Variants in ANKDD1A observed in about 807,000 individuals in gnomAD.
The protein encoded by ANKDD1A is ankyrin repeat and death domain-containing protein 1A.
A neutral mutation model predicts 63.5 loss-of-function variants in ANKDD1A; 59 were observed. The observed-to-expected ratio is 0.93, with a 90% CI of 0.75 to 1.15. The LOEUF is 1.15. ANKDD1A is among the 50% of genes most tolerant of loss of function. ANKDD1A has a pLI of 0.00. For synonymous variants in ANKDD1A, 266 were observed against 263.9 expected (o/e 1.01, Z -0.08); for missense variants, 632 against 656.4 (o/e 0.96, Z 0.41).
In ANKDD1A at chr15:64,917,407, T is replaced by C; in HGVS notation, c.160T>C (p.Trp54Arg). 1 of 1,611,070 alleles carries C rather than the reference T, an allele frequency of 6.2e-7. No homozygotes were observed. The highest frequency in any genetic ancestry group is 8.5e-7 in the Non-Finnish European group (1 of 1,179,268). The change falls in exon 3 of 15, where the codon TGG becomes CGG. Residue 54 changes from tryptophan to arginine, a missense_variant. Physicochemically the swap from Trp to Arg is moderately radical, Grantham distance 101. Coordinates refer to ENST00000319580, the MANE Select transcript of ANKDD1A (RefSeq NM_182703.6). ...RNHVGRVALH[W>R]AAGAGHEQAV... ...GCAGGTGGGCAGGGTGGCCCTGCAC[T>C]GGGCTGCAGGTGCAGGGCACGAGCA...
chr15:64,915,116 C>T (rs1297154035), intron 1 of ANKDD1A, among the ~76,000 whole-genome samples: 7 of 152,178 alleles, frequency 4.6e-5, no homozygotes, highest in Non-Finnish European at 8.8e-5. Context: ...ACCAGCCTGG[C>T]CAACCTGGTG....
At chr15:64,954,237 GTCT>G (rs1566918508) in intron 14 of ANKDD1A, among the ~76,000 whole-genome samples, 7 of 93,466 alleles carry the variant, frequency 7.5e-5, no homozygotes, top group African/African-American at 1.1e-4. Context: ...CCTCTCCTTC[GTCT>G]TCTTAGTTCT....
At chr15:64,954,180 T>TCTTCTC (rs2085376554) in intron 14 of ANKDD1A, among the ~76,000 whole-genome samples, 1 of 61,340 alleles carries the variant, frequency 1.6e-5, no homozygotes, top group Non-Finnish European at 5.0e-5. Context: ...CTTTTCTTCT[T>TCTTCTC]CTTCTCCTTC....
chr15:64,946,772 T>C lies in ANKDD1A; in HGVS notation c.1162-632T>C, dbSNP rs535148923. Among the ~76,000 whole-genome samples the C allele has an allele frequency of 2.0e-4, 31 of 152,298 alleles. 1 individual carries two copies. Among genetic ancestry groups the C allele is most frequent in the African/African-American group, 7.5e-4 (31 of 41,568 alleles). On this transcript the variant is annotated intron_variant, in intron 12 of 14. Transcript: ENST00000319580. The stretch of plus-strand genomic sequence containing the variant: ...ACCTCACAGTGATTGCCAGAGACTG[T>C]TGACCATGACATAAGCTTTGGAACT...
chr15:64,953,152 CCTTT>C (rs202020002), intron 14 of ANKDD1A, among the ~76,000 whole-genome samples: 130,139 of 142,042 alleles, frequency 0.92, 60,317 homozygotes, highest in East Asian at 1. Flanking sequence ...TCCTTTTTCT[CCTTT>C]CTTCTTTCCT....
At chr15:64,935,674 C>CA (rs1298279118) in intron 9 of ANKDD1A, among the ~76,000 whole-genome samples, 111 of 138,862 alleles carry the variant, frequency 8.0e-4, no homozygotes, top group African/African-American at 1.5e-3. Context: ...GACTCCGCCT[C>CA]AAAAAAAAAA....
At chr15:64,952,861 T>TTCTTCC (rs149795458) in intron 14 of ANKDD1A, among the ~76,000 whole-genome samples, 125,815 of 139,028 alleles carry the variant, frequency 0.9, 57,651 homozygotes, top group East Asian at 0.99. Context: ...CTTCTCCTTC[T>TTCTTCC]TCTTTTCTTC....
At chr15:64,943,330 T>C in intron 10 of ANKDD1A, 154 bp from the exon 11 acceptor site, 1 of 674,482 alleles carries the variant, frequency 1.5e-6, no homozygotes, top group Non-Finnish European at 2.6e-6. Flanking sequence ...ACATATAAGA[T>C]GATCTCATGT....
Position 64,931,591 on chromosome 15 carries a change from C to G in ANKDD1A, c.768+6C>G. 6.2e-7 allele frequency: 1 copy of G among 1,613,656 alleles called. No homozygotes were observed. The highest frequency in any genetic ancestry group is 8.5e-7 in the Non-Finnish European group (1 of 1,180,014). Reference sequence around the variant, plus strand: ...CCGTGAATGCCCTCACCCAGGTAGCCAGGCCCTCCCAAGACTGCGGTCGGC... The same window carrying G: ...CCGTGAATGCCCTCACCCAGGTAGCGAGGCCCTCCCAAGACTGCGGTCGGC... On this transcript the variant is annotated splice_donor_region_variant and intron_variant, in intron 8 of 14. Coordinates refer to ENST00000319580, the MANE Select transcript of ANKDD1A (RefSeq NM_182703.6).
chr15:64,931,691 T>G (rs2085093229), intron 8 of ANKDD1A, 106 bp downstream of exon 8: 1 of 1,233,508 alleles, frequency 8.1e-7, no homozygotes, highest in East Asian at 2.5e-5. Flanking sequence ...AATAGAGGCT[T>G]CGAGGCAGCA....
At chr15:64,940,854 T>G (rs1320534794) in intron 9 of ANKDD1A, among the ~76,000 whole-genome samples, 1 of 152,204 alleles carries the variant, frequency 6.6e-6, no homozygotes, top group Non-Finnish European at 1.5e-5. Context: ...TCCTCCTGCC[T>G]CAGCCTCCCA....
At chr15:64,938,620 G>T (rs1464194974) in intron 9 of ANKDD1A, among the ~76,000 whole-genome samples, 1 of 152,150 alleles carries the variant, frequency 6.6e-6, no homozygotes, top group Non-Finnish European at 1.5e-5. Context: ...ATATAATGTG[G>T]TATCCTGGAT....
At chr15:64,933,911 C>A (rs1055911781) in intron 8 of ANKDD1A, among the ~76,000 whole-genome samples, 2 of 151,996 alleles carry the variant, frequency 1.3e-5, no homozygotes, top group Non-Finnish European at 2.9e-5. Context: ...GGTCTGAATT[C>A]TTGAGTTTGT....
intron 4 of ANKDD1A, among the ~76,000 whole-genome samples, chr15:64,924,699 C>T (rs2085033184): frequency 6.6e-6 from 1 of 152,192 alleles, no homozygotes; most frequent in African/African-American, 2.4e-5. Flanking sequence ...GTCATTTTGT[C>T]TCCTTAGTCT....
chr15:64,950,728 C>CGGGGGGGGGGGGG, intron 14 of ANKDD1A: 1 of 450,262 alleles, frequency 2.2e-6, no homozygotes. Flanking sequence ...AAGAAAGGAC[C>CGGGGGGGGGGGGG]GCCCCCCCCC....
intron 14 of ANKDD1A, among the ~76,000 whole-genome samples, chr15:64,954,110 CCTTTCTTTTCTCCTTT>C (rs2085374908): frequency 3.9e-5 from 5 of 128,588 alleles, no homozygotes; most frequent in Non-Finnish European, 6.7e-5. Context: ...TTTTCTTCTT[CCTTTCTTTTCTCCTTT>C]CTTCTTCCTC....
intron 14 of ANKDD1A, among the ~76,000 whole-genome samples, chr15:64,954,952 C>CTCTCCTTCTTCT (rs1391328240): frequency 6.9e-6 from 1 of 145,734 alleles, no homozygotes; most frequent in Non-Finnish European, 1.5e-5. Context: ...CTCTTCTTCT[C>CTCTCCTTCTTCT]TCTCCTTCTT....
In ANKDD1A at chr15:64,929,303, A is replaced by C. The variant is rs550842297; in HGVS notation, c.571-1519A>C. ...ATCCTCCTGCCTCAGTCTTTCCAGT[A>C]TCTGGAACTACAGGCACGCACCACC... On this transcript the variant is annotated intron_variant, in intron 6 of 14. Coordinates refer to ENST00000319580, the MANE Select transcript of ANKDD1A (RefSeq NM_182703.6). Among the ~76,000 whole-genome samples, 38 of 152,150 alleles carry C rather than the reference A, an allele frequency of 2.5e-4. 1 individual carries two copies. In the South Asian group the frequency reaches 7.9e-3, roughly 32 times the overall value.
intron 3 of ANKDD1A, 101 bp from the exon 4 acceptor site, chr15:64,921,820 G>A (rs953010507): frequency 5.1e-6 from 5 of 979,540 alleles, no homozygotes; most frequent in Non-Finnish European, 7.9e-6. Flanking sequence ...GGCACTTATA[G>A]TTCCTTCTGG....
Sources: allele counts gnomAD v4.1 joint callset (sites outside exome capture counted in the v4.1 genomes callset), GRCh38; gene constraint gnomAD v4.1.1; transcripts MANE v1.5; gene names NCBI Gene and HGNC (gene_info 2026-07-23, HGNC 2026-07-21).